EML6: variants seen among roughly 807,000 people sequenced by gnomAD.
The protein encoded by EML6 is EMAP like 6, also known as echinoderm microtubule-associated protein-like 6.
EML6 carries 154 observed loss-of-function variants against 240.1 expected under a neutral mutation model. The ratio of observed to expected loss-of-function variants is 0.64; its 90% CI spans 0.56 to 0.73. The LOEUF is 0.73. Ranked by LOEUF, EML6 falls within the 30% of genes least tolerant of loss-of-function variation. The probability of loss-of-function intolerance (pLI) is 0.00; values close to 1 mark genes in which losing one functional copy is unlikely to be tolerated. For missense variants in EML6, 2,964 were observed against 2,474.6 expected, an observed-to-expected ratio of 1.20 and a Z score of -4.20; for synonymous variants, 1,148 against 899.0, an observed-to-expected ratio of 1.28 and a Z score of -4.95.
At chr2:54,789,190 T>G (rs1284445568) in intron 2 of EML6, among the ~76,000 whole-genome samples, 1 of 152,164 alleles carries the variant, frequency 6.6e-6, no homozygotes, top group African/African-American at 2.4e-5. Context: ...CATTTAATTT[T>G]TAGCAAGTGT....
intron 2 of EML6, among the ~76,000 whole-genome samples, chr2:54,766,441 C>G (rs1456024734): frequency 6.6e-6 from 1 of 152,034 alleles, no homozygotes; most frequent in Non-Finnish European, 1.5e-5. Flanking sequence ...TTGGGTTTGT[C>G]CAGTGTTTTC....
rs1158986517 is a variant in EML6 at position 54,970,425 on chromosome 2, C to G, written c.*330C>G. Reference sequence around the variant, plus strand: ...CTGACGAATTTTGAAGCCTCGGTTACCCTAACCAATATGTAGCTTTTAATT... The same window carrying G: ...CTGACGAATTTTGAAGCCTCGGTTAGCCTAACCAATATGTAGCTTTTAATT... On this transcript the variant is annotated 3_prime_UTR_variant, in exon 42 of 42. Coordinates refer to ENST00000356458, the MANE Select transcript of EML6 (RefSeq NM_001039753.4). The G allele has an allele frequency of 3.2e-6, 1 of 312,236 alleles. No individual in the cohort carries two copies. The highest frequency in any genetic ancestry group is 6.0e-6 in the Non-Finnish European group (1 of 166,568). 19.3% of individuals were successfully genotyped at this position (312,236 alleles called of 1,614,324 possible). A position where few individuals can be genotyped will look rare whatever the true frequency, so the allele number is the denominator to read the frequency against.
At chr2:54,782,190 G>A (rs534078524) in intron 2 of EML6, among the ~76,000 whole-genome samples, 8 of 152,146 alleles carry the variant, frequency 5.3e-5, no homozygotes, top group Non-Finnish European at 8.8e-5. Context: ...TATCTTTTCT[G>A]TACGTATGTT....
chr2:54,863,042 T>A (rs868669848), intron 12 of EML6, among the ~76,000 whole-genome samples: 1 of 152,170 alleles, frequency 6.6e-6, no homozygotes, highest in Admixed American at 6.6e-5. Context: ...AGTGGACATG[T>A]ATGTAGTCTT....
At chr2:54,837,861 G>T (rs1054349596) in intron 7 of EML6, among the ~76,000 whole-genome samples, 1 of 152,142 alleles carries the variant, frequency 6.6e-6, no homozygotes, top group African/African-American at 2.4e-5. Context: ...TGTAGATTCT[G>T]GTGTACATTG....
In EML6 at chr2:54,928,696, G is replaced by A. The variant is rs1674692572; in HGVS notation, c.3949G>A (p.Glu1317Lys). The change falls in exon 28 of 42, where the codon GAA becomes AAA. Residue 1317 changes from glutamate (E) to lysine (K), a missense_variant. By Grantham distance (56) the Glu-to-Lys change is moderately conservative. Coordinates refer to ENST00000356458, the MANE Select transcript of EML6 (RefSeq NM_001039753.4). ...CAAGATTTATGCTGTGAGCATCAGGGAAATGGAAGGCACCAAGCCACACCA... is the reference window on the plus strand; with the variant it reads ...CAAGATTTATGCTGTGAGCATCAGGAAAATGGAAGGCACCAAGCCACACCA... The part of the protein sequence containing the change: ...TTKIYAVSIR[E>K]MEGTKPHQQL... 6.4e-7 allele frequency: 1 copy of A among 1,551,654 alleles called. No homozygotes were observed. Among genetic ancestry groups the A allele is most frequent in the Non-Finnish European group, 8.7e-7 (1 of 1,147,022 alleles).
intron 28 of EML6, among the ~76,000 whole-genome samples, chr2:54,947,700 C>T (rs924793661): frequency 4.6e-5 from 7 of 152,200 alleles, no homozygotes; most frequent in East Asian, 1.9e-4. Context: ...AGTCCCCGGG[C>T]GCATTCGTAA....
Position 54,932,298 on chromosome 2 carries a change from G to A in EML6, c.4004+3547G>A, listed in dbSNP as rs560582274. 1.4e-4 allele frequency among the ~76,000 whole-genome samples: 21 copies of A among 152,290 alleles called. No homozygotes were observed. The East Asian group carries it at 3.5e-3, about 25-fold the overall frequency. On this transcript the variant is annotated intron_variant, in intron 28 of 41. Transcript: ENST00000356458. ...CTCATCTGGCTGGTCCCCAACCTTGGGTGATCTTGCTGCTCAGCTGCCACG... is the reference window on the plus strand; with the variant it reads ...CTCATCTGGCTGGTCCCCAACCTTGAGTGATCTTGCTGCTCAGCTGCCACG...
chr2:54,845,400 C>T (rs144167420), intron 8 of EML6, among the ~76,000 whole-genome samples: 1 of 152,340 alleles, frequency 6.6e-6, no homozygotes, highest in African/African-American at 2.4e-5. Context: ...GGAAGTCCTT[C>T]GCTTTTATGT....
At chr2:54,917,011 T>A (rs559398453) in intron 26 of EML6, 76 bp downstream of exon 26, 3 of 1,197,958 alleles carry the variant, frequency 2.5e-6, no homozygotes, top group Non-Finnish European at 2.3e-6. Context: ...AGTGCATTTT[T>A]AAAAATTTGA....
At chr2:54,754,295 G>A (rs1289212664) in intron 2 of EML6, among the ~76,000 whole-genome samples, 9 of 152,034 alleles carry the variant, frequency 5.9e-5, no homozygotes. Flanking sequence ...CTGACCACTA[G>A]TCAGCCTTGA....
At chr2:54,970,000 A>G in intron 41 of EML6, 71 bp from the exon 42 acceptor site, 1 of 1,511,240 alleles carries the variant, frequency 6.6e-7, no homozygotes, top group South Asian at 1.2e-5. Flanking sequence ...ACTTGGCAAG[A>G]TTGTTTTTTG....
rs940648552 is a variant in EML6, at chr2:54,807,120, T to C, written c.198-6112T>C. ...ATGCTTTTATTGATTTTTTTTTTCC[T>C]CTTTTTCTAAACTCCTATATCTGTG... On this transcript the variant is annotated intron_variant, in intron 2 of 41. Transcript: ENST00000356458. Among the ~76,000 whole-genome samples, 15 of 152,206 alleles carry C rather than the reference T, an allele frequency of 9.9e-5. No homozygotes were observed. In the East Asian group the frequency reaches 2.9e-3, roughly 29 times the overall value.
intron 2 of EML6, among the ~76,000 whole-genome samples, chr2:54,767,090 T>C (rs2103785732): frequency 6.6e-6 from 1 of 152,286 alleles, no homozygotes; most frequent in East Asian, 1.9e-4. Context: ...GTGTCAAAAT[T>C]ACCCTCCTTG....
intron 10 of EML6, among the ~76,000 whole-genome samples, chr2:54,852,414 C>T (rs995964750): frequency 7.2e-5 from 11 of 152,188 alleles, no homozygotes; most frequent in African/African-American, 2.4e-4. Flanking sequence ...ATATTAAACA[C>T]ATGTTTATCA....
intron 7 of EML6, among the ~76,000 whole-genome samples, chr2:54,842,707 TAACA>T (rs1669528784): frequency 6.6e-6 from 1 of 152,052 alleles, no homozygotes; most frequent in Non-Finnish European, 1.5e-5. Context: ...CCTAAACAAA[TAACA>T]AACCCAGTAA....
intron 17 of EML6, among the ~76,000 whole-genome samples, chr2:54,890,435 A>G (rs1311244212): frequency 6.6e-6 from 1 of 152,150 alleles, no homozygotes; most frequent in African/African-American, 2.4e-5. Context: ...CAGGTCTACA[A>G]TGGAACTTTG....
intron 24 of EML6, among the ~76,000 whole-genome samples, chr2:54,905,399 G>T (rs1673276222): frequency 1.4e-5 from 2 of 146,414 alleles, no homozygotes; most frequent in African/African-American, 5.1e-5. Flanking sequence ...TACAATACGT[G>T]AAATCCCACC....
chr2:54,853,255 A>AC (rs1394149446), intron 10 of EML6, among the ~76,000 whole-genome samples: 2 of 152,202 alleles, frequency 1.3e-5, no homozygotes, highest in Admixed American at 1.3e-4. Flanking sequence ...AAAGCATAAT[A>AC]CCATCTGTAT....
Sources: gnomAD v4.1 joint callset for allele counts (sites outside exome capture counted in the v4.1 genomes callset) on GRCh38, gnomAD v4.1.1 for gene constraint, MANE v1.5 for transcripts, NCBI Gene and HGNC (gene_info 2026-07-23, HGNC 2026-07-21) for gene names.